TMEM63C: variants seen among roughly 807,000 people sequenced by gnomAD.
TMEM63C encodes the protein osmosensitive cation channel TMEM63C.
TMEM63C carries 32 observed loss-of-function variants against 99.2 expected under a neutral mutation model. The ratio of observed to expected loss-of-function variants is 0.32; its 90% CI spans 0.24 to 0.43. The LOEUF (loss-of-function observed/expected upper bound fraction) is 0.43, where lower values mean the gene tolerates loss of function less well. Among genes scored for constraint, TMEM63C ranks in the 20% least tolerant of loss-of-function variants. The pLI is 1.00. For synonymous variants in TMEM63C, 376 were observed against 397.9 expected (o/e 0.94, Z 0.66); for missense variants, 826 against 1,053.0 (o/e 0.78, Z 2.98).
intron 1 of TMEM63C, among the ~76,000 whole-genome samples, chr14:77,189,273 C>A (rs1888059659): frequency 2.8e-5 from 1 of 36,306 alleles, no homozygotes; most frequent in South Asian, 3.6e-3. Flanking sequence ...CCACACCCAG[C>A]TAATTTTTTT....
rs58044615 is a variant in TMEM63C, at chr14:77,245,934, T to G, written c.1449-6T>G. ...CATTGATGAATATCTCTCTGTTTCC[T>G]TCTAGATCAAGTCAGAATCTGGTCA... is the stretch of plus-strand genomic sequence containing the variant. On this transcript the variant is annotated splice_region_variant and splice_polypyrimidine_tract_variant and intron_variant, in intron 16 of 23. Coordinates refer to ENST00000298351, the MANE Select transcript of TMEM63C (RefSeq NM_020431.4). 7,723 of 1,612,076 alleles carry G rather than the reference T, an allele frequency of 4.8e-3. 305 individuals are homozygous for G. The African/African-American group carries it at 0.088, about 18-fold the overall frequency.
chr14:77,204,393 C>T (rs1888360846), intron 1 of TMEM63C, among the ~76,000 whole-genome samples: 1 of 152,226 alleles, frequency 6.6e-6, no homozygotes, highest in East Asian at 1.9e-4. Context: ...TGCTCACCAG[C>T]AGCTCCCTTT....
At chr14:77,248,940 C>G (rs1017477130) in intron 20 of TMEM63C, 68 bp downstream of exon 20, 9 of 1,389,112 alleles carry the variant, frequency 6.5e-6, no homozygotes, top group Non-Finnish European at 9.2e-6. Flanking sequence ...TTGAGCCTCA[C>G]AACATCAGTC....
At chr14:77,187,133 C>G (rs1250250670) in intron 1 of TMEM63C, among the ~76,000 whole-genome samples, 1 of 152,148 alleles carries the variant, frequency 6.6e-6, no homozygotes, top group Admixed American at 6.5e-5. Flanking sequence ...GAGGTTGTGA[C>G]AGCTGCAACC....
intron 7 of TMEM63C, 56 bp from the exon 8 acceptor site, chr14:77,233,396 G>A: frequency 6.3e-7 from 1 of 1,580,518 alleles, no homozygotes. Context: ...TTGAATTCTG[G>A]CGCCCCCAGC....
In TMEM63C at chr14:77,240,556, A is replaced by G; in HGVS notation, c.1012A>G (p.Lys338Glu). The G allele has an allele frequency of 6.2e-7, 1 of 1,611,810 alleles. No homozygotes were observed. The highest frequency in any genetic ancestry group is 8.5e-7 in the Non-Finnish European group (1 of 1,179,872). ...CGCCGAGCTCAACCGCGTGCCGCTC[A>G]AGCGGCTGGACCTGATCTTTGTCAC... is the stretch of plus-strand genomic sequence containing the variant. ...FNAELNRVPL[K>E]RLDLIFVTFQ... is the part of the protein sequence containing the mutation. The change falls in exon 13 of 24, where the codon AAG becomes GAG. Residue 338 changes from lysine (K) to glutamate (E), a missense_variant. By Grantham distance (56) the Lys-to-Glu change is moderately conservative. Coordinates refer to ENST00000298351, the MANE Select transcript of TMEM63C (RefSeq NM_020431.4).
intron 9 of TMEM63C, 150 bp from the exon 10 acceptor site, chr14:77,238,544 C>A: frequency 1.5e-6 from 1 of 658,020 alleles, no homozygotes; most frequent in Non-Finnish European, 2.7e-6. Flanking sequence ...CAGCTTGGCT[C>A]TGGCTTTCTT....
intron 16 of TMEM63C, among the ~76,000 whole-genome samples, chr14:77,245,370 A>G (rs1228126095): frequency 1.3e-5 from 2 of 151,996 alleles, no homozygotes; most frequent in Admixed American, 6.6e-5. Context: ...AATTAAACCA[A>G]TTTCCCAGCC....
chr14:77,210,125 C>T, intron 1 of TMEM63C, among the ~76,000 whole-genome samples: 1 of 152,190 alleles, frequency 6.6e-6, no homozygotes, highest in East Asian at 1.9e-4. Context: ...AACTCCTTCT[C>T]TAGGTGCAAA....
intron 1 of TMEM63C, among the ~76,000 whole-genome samples, chr14:77,186,533 G>T (rs1887997508): frequency 6.6e-6 from 1 of 151,924 alleles, no homozygotes; most frequent in South Asian, 2.1e-4. Flanking sequence ...GAAAGACCTT[G>T]TCTCTACAAA....
At chr14:77,247,857 G>A (rs888809799) in intron 18 of TMEM63C, among the ~76,000 whole-genome samples, 9 of 152,216 alleles carry the variant, frequency 5.9e-5, no homozygotes, top group Admixed American at 2.0e-4. Context: ...TGCTCACCTC[G>A]GCCTCCCAAA....
At chr14:77,232,717 A>G (rs1888966593) in intron 7 of TMEM63C, among the ~76,000 whole-genome samples, 1 of 152,226 alleles carries the variant, frequency 6.6e-6, no homozygotes, top group Non-Finnish European at 1.5e-5. Flanking sequence ...GTAGGTGCTC[A>G]ATGAATAGCA....
In TMEM63C at chr14:77,242,483, A is replaced by G. The variant is rs1354114528; in HGVS notation, c.1187+14A>G. Reference sequence around the variant, plus strand: ...AGACATTATTTGGTAAGCCTCCTCCATCCCTCCCCTCTCCTCTGAGCTCCT... The same window carrying G: ...AGACATTATTTGGTAAGCCTCCTCCGTCCCTCCCCTCTCCTCTGAGCTCCT... On this transcript the variant is annotated intron_variant, in intron 14 of 23. Transcript: ENST00000298351. 1.9e-6 allele frequency: 3 copies of G among 1,612,560 alleles called. No homozygotes were observed. Among genetic ancestry groups the G allele is most frequent in the Admixed American group, 1.7e-5 (1 of 59,942 alleles).
At chr14:77,236,442 T>TA (rs1555348727) in intron 8 of TMEM63C, among the ~76,000 whole-genome samples, 182 bp from the exon 9 acceptor site, 15 of 35,164 alleles carry the variant, frequency 4.3e-4, no homozygotes, top group South Asian at 1.6e-3. Flanking sequence ...TGGGTGGGGG[T>TA]GGGGGATACT....
At chr14:77,235,077 G>C (rs1889012948) in intron 8 of TMEM63C, among the ~76,000 whole-genome samples, 1 of 152,164 alleles carries the variant, frequency 6.6e-6, no homozygotes, top group Non-Finnish European at 1.5e-5. Context: ...CTATGTGTGT[G>C]GTTGAGTCTA....
At chr14:77,221,569 G>GC (rs1195687671) in intron 5 of TMEM63C, among the ~76,000 whole-genome samples, 2 of 8,462 alleles carry the variant, frequency 2.4e-4, no homozygotes, top group Non-Finnish European at 4.5e-4. Flanking sequence ...TCCCACTCAT[G>GC]CCCCCCTCCC....
chr14:77,247,104 A>C (rs1889280128), intron 18 of TMEM63C, among the ~76,000 whole-genome samples: 1 of 152,234 alleles, frequency 6.6e-6, no homozygotes, highest in Non-Finnish European at 1.5e-5. Context: ...CACAAAATAC[A>C]TGGATTACAA....
At chr14:77,239,363 A>C (rs746934735) in intron 10 of TMEM63C, 49 bp from the exon 11 acceptor site, 8 of 1,586,558 alleles carry the variant, frequency 5.0e-6, no homozygotes, top group Non-Finnish European at 3.5e-6. Flanking sequence ...TAGGGGCAGC[A>C]CATCCCCAAC....
intron 1 of TMEM63C, among the ~76,000 whole-genome samples, chr14:77,188,994 G>A (rs1279931630): frequency 6.6e-6 from 1 of 152,128 alleles, no homozygotes; most frequent in Non-Finnish European, 1.5e-5. Context: ...GTTGATATAT[G>A]TGTACATACA....
Sources: gnomAD v4.1 joint callset for allele counts (sites outside exome capture counted in the v4.1 genomes callset) on GRCh38, gnomAD v4.1.1 for gene constraint, MANE v1.5 for transcripts, NCBI Gene and HGNC (gene_info 2026-07-23, HGNC 2026-07-21) for gene names.